DOCK3: variants seen among roughly 807,000 people sequenced by gnomAD.
DOCK3 encodes dedicator of cytokinesis protein 3.
Under a neutral mutation model 265.6 loss-of-function variants are expected in DOCK3, and 60 were observed. That is an observed-to-expected ratio of 0.23 (90% CI 0.18 to 0.28). The LOEUF is 0.28. Ranked by LOEUF, DOCK3 falls within the 10% of genes least tolerant of loss-of-function variation. The pLI, the probability that DOCK3 is intolerant of heterozygous loss-of-function variation, is 1.00. For synonymous variants in DOCK3, 881 were observed against 938.0 expected, an observed-to-expected ratio of 0.94 and a Z score of 1.11; for missense variants, 1,981 against 2,594.3, an observed-to-expected ratio of 0.76 and a Z score of 5.14.
intron 4 of DOCK3, among the ~76,000 whole-genome samples, chr3:50,919,114 G>T (rs913130163): frequency 1.3e-5 from 2 of 152,120 alleles, no homozygotes; most frequent in Admixed American, 6.5e-5. Context: ...TGTTCCATTG[G>T]TCTATATCTC....
At chr3:50,693,240 G>A (rs1450987418) in intron 1 of DOCK3, among the ~76,000 whole-genome samples, 1 of 152,142 alleles carries the variant, frequency 6.6e-6, no homozygotes, top group Non-Finnish European at 1.5e-5. Flanking sequence ...ATTTCAGGAT[G>A]AATTTTTAAA....
chr3:51,070,518 G>A (rs1286549599), intron 6 of DOCK3, among the ~76,000 whole-genome samples: 2 of 152,256 alleles, frequency 1.3e-5, no homozygotes, highest in East Asian at 1.9e-4. Context: ...GCTTAGAGAT[G>A]ATGTACATAA....
At chr3:50,703,604 A>G (rs1241593875) in intron 1 of DOCK3, among the ~76,000 whole-genome samples, 1 of 151,538 alleles carries the variant, frequency 6.6e-6, no homozygotes, top group African/African-American at 2.4e-5. Context: ...AGGGTTTCCA[A>G]TTTGTTAGCA....
intron 22 of DOCK3, among the ~76,000 whole-genome samples, chr3:51,248,508 A>G (rs998607567): frequency 2.6e-5 from 4 of 152,224 alleles, no homozygotes; most frequent in Non-Finnish European, 4.4e-5. Flanking sequence ...AATGGCGCCC[A>G]GGCTGGAGTG....
chr3:50,993,535 G>A (rs2108635653), intron 5 of DOCK3, among the ~76,000 whole-genome samples: 1 of 152,264 alleles, frequency 6.6e-6, no homozygotes, highest in South Asian at 2.1e-4. Flanking sequence ...TTCAAAACAA[G>A]ACTTCTATCC....
In DOCK3 at chr3:50,877,650, TTTTTCTTTTC is replaced by T. The variant is rs141046408; in HGVS notation, c.163-12351_163-12342del. 0.012 allele frequency: 4,705 copies of T among 389,252 alleles called. 304 individuals are homozygous for T. The East Asian group carries it at 0.19, about 15-fold the overall frequency. The allele number at this position is 389,252 out of a possible 1,614,324, so 24.1% of individuals were successfully genotyped here. On this transcript the variant is annotated intron_variant, in intron 3 of 52. Coordinates refer to ENST00000266037, the MANE Select transcript of DOCK3 (RefSeq NM_004947.5). The stretch of plus-strand genomic sequence containing the variant: ...TATCTAGGGCTTCAATGGCAGCCAC[TTTTTCTTTTC>T]TTTTCTTTTCTTTTCTTTTCTTTTT...
At chr3:50,933,539 G>T (rs1432910051) in intron 4 of DOCK3, among the ~76,000 whole-genome samples, 1 of 151,644 alleles carries the variant, frequency 6.6e-6, no homozygotes, top group African/African-American at 2.4e-5. Flanking sequence ...TTAATTGTGT[G>T]GGTTCCTCCC....
chr3:50,943,374 C>T (rs770514170), intron 5 of DOCK3, among the ~76,000 whole-genome samples: 8 of 151,616 alleles, frequency 5.3e-5, no homozygotes, highest in Non-Finnish European at 8.8e-5. Flanking sequence ...AAGACATTGA[C>T]GATTAGTGCT....
At chr3:51,344,084 A>G (rs972014392) in intron 38 of DOCK3, among the ~76,000 whole-genome samples, 5 of 152,218 alleles carry the variant, frequency 3.3e-5, no homozygotes, top group Admixed American at 1.3e-4. Context: ...GACAGAGGCT[A>G]GCAAACCATC....
At chr3:51,349,135 C>A (rs1015390689) in intron 39 of DOCK3, among the ~76,000 whole-genome samples, 197 bp downstream of exon 39, 2 of 152,136 alleles carry the variant, frequency 1.3e-5, no homozygotes, top group Non-Finnish European at 2.9e-5. Flanking sequence ...ATGATCTAGA[C>A]CCCAAGAGCC....
chr3:50,724,069 T>G (rs1176119109), intron 1 of DOCK3, among the ~76,000 whole-genome samples: 1 of 152,202 alleles, frequency 6.6e-6, no homozygotes, highest in African/African-American at 2.4e-5. Flanking sequence ...AAGACATTTA[T>G]GTAGCCAACA....
chr3:51,339,672 GTTTAC>G (rs2085107194), intron 37 of DOCK3, among the ~76,000 whole-genome samples: 1 of 152,162 alleles, frequency 6.6e-6, no homozygotes, highest in Non-Finnish European at 1.5e-5. Flanking sequence ...TGTCACATCT[GTTTAC>G]TGAGAACCAC....
chr3:50,819,994 T>C (rs2044311658), intron 2 of DOCK3, among the ~76,000 whole-genome samples: 2 of 151,936 alleles, frequency 1.3e-5, no homozygotes, highest in Non-Finnish European at 2.9e-5. Flanking sequence ...AAAAATGCCA[T>C]GGCAACATCT....
chr3:50,827,306 G>A (rs1338134226), intron 2 of DOCK3, among the ~76,000 whole-genome samples: 1 of 152,184 alleles, frequency 6.6e-6, no homozygotes, highest in Non-Finnish European at 1.5e-5. Flanking sequence ...ATTTCTCACA[G>A]TTCTGGGCTG....
intron 1 of DOCK3, among the ~76,000 whole-genome samples, chr3:50,756,314 T>G (rs1422536575): frequency 6.6e-6 from 1 of 152,168 alleles, no homozygotes; most frequent in Non-Finnish European, 1.5e-5. Flanking sequence ...GCTCGCCCAA[T>G]TCCTGCGATC....
intron 1 of DOCK3, among the ~76,000 whole-genome samples, chr3:50,710,671 C>A (rs909163655): frequency 8.5e-5 from 13 of 152,104 alleles, no homozygotes; most frequent in Non-Finnish European, 5.9e-5. Flanking sequence ...GGAAGTAAGT[C>A]ATTATATGAA....
At chr3:51,219,376 G>C (rs542999889) in intron 14 of DOCK3, among the ~76,000 whole-genome samples, 23 of 152,166 alleles carry the variant, frequency 1.5e-4, no homozygotes, top group African/African-American at 5.5e-4. Context: ...GCAATACTGG[G>C]GTGGGGTATC....
chr3:50,814,043 C>A (rs1441221432), intron 2 of DOCK3, among the ~76,000 whole-genome samples: 3 of 151,786 alleles, frequency 2.0e-5, no homozygotes, highest in Non-Finnish European at 4.4e-5. Flanking sequence ...GGGTACCTGG[C>A]CTTATTATAA....
intron 9 of DOCK3, among the ~76,000 whole-genome samples, chr3:51,122,527 A>G (rs1275462830): frequency 6.6e-6 from 1 of 152,374 alleles, no homozygotes; most frequent in East Asian, 1.9e-4. Context: ...CACAATTGTT[A>G]TATGTCTTAA....
Sources: gnomAD v4.1 joint callset for allele counts (sites outside exome capture counted in the v4.1 genomes callset) on GRCh38, gnomAD v4.1.1 for gene constraint, MANE v1.5 for transcripts, NCBI Gene and HGNC (gene_info 2026-07-23, HGNC 2026-07-21) for gene names.